Variants in ATG10 observed in about 807,000 individuals in gnomAD.
ATG10 encodes ubiquitin-like-conjugating enzyme ATG10.
A neutral mutation model predicts 32.1 loss-of-function variants in ATG10; 30 were observed. The ratio of observed to expected loss-of-function variants is 0.94; its 90% CI spans 0.70 to 1.27. The LOEUF is 1.27. ATG10 is among the 50% of genes most tolerant of loss of function. The probability of loss-of-function intolerance (pLI) is 0.00; values close to 1 mark genes in which losing one functional copy is unlikely to be tolerated. For synonymous variants in ATG10, 87 were observed against 91.5 expected (o/e 0.95, Z 0.28); for missense variants, 233 against 262.3 (o/e 0.89, Z 0.77).
intron 3 of ATG10, among the ~76,000 whole-genome samples, chr5:82,090,881 A>G (rs774792036): frequency 6.6e-6 from 1 of 152,228 alleles, no homozygotes; most frequent in Non-Finnish European, 1.5e-5. Flanking sequence ...TTAGAAAATG[A>G]TTTTAAAGCT....
At position 82,178,619 on chromosome 5, in the gene ATG10, T is replaced by A. The variant is rs139085635; in HGVS notation, c.453+32T>A. 5.3e-4 allele frequency: 725 copies of A among 1,373,482 alleles called. 4 individuals are homozygous for A. The African/African-American group carries it at 7.7e-3, about 15-fold the overall frequency. 85.1% of individuals were successfully genotyped at this position (1,373,482 alleles called of 1,614,324 possible). On this transcript the variant is annotated intron_variant, in intron 5 of 7. Coordinates refer to ENST00000282185, the MANE Select transcript of ATG10 (RefSeq NM_031482.5). ...GAGTATTGTCATTTTATTGTATGCA[T>A]GTTATTGTATTCTTTCCCGCTGCTC...
At chr5:82,045,427 A>C (rs1226013270) in intron 2 of ATG10, among the ~76,000 whole-genome samples, 1 of 152,134 alleles carries the variant, frequency 6.6e-6, no homozygotes, top group African/African-American at 2.4e-5. Flanking sequence ...CAACTCATGG[A>C]ACTGAAGGAG....
At position 82,139,967 on chromosome 5, in the gene ATG10, C is replaced by A. The variant is rs1259622500; in HGVS notation, c.217-24432C>A. ...GGGGTCAGCCCTCCGCCCGGCCAGC[C>A]GCCCCGTCAGGGAGGTGAGGGGCGC... On this transcript the variant is annotated intron_variant, in intron 3 of 7. Transcript: ENST00000282185. 9.6e-3 allele frequency among the ~76,000 whole-genome samples: 1,249 copies of A among 129,586 alleles called. 7 individuals carry two copies. The highest frequency in any genetic ancestry group is 0.034 in the African/African-American group (1,155 of 33,750). 85.0% of individuals were successfully genotyped at this position (129,586 alleles called of 152,430 possible). A position where few individuals can be genotyped will look rare whatever the true frequency, so the allele number is the denominator to read the frequency against.
At chr5:82,145,119 G>A (rs1296528100) in intron 3 of ATG10, among the ~76,000 whole-genome samples, 1 of 151,910 alleles carries the variant, frequency 6.6e-6, no homozygotes, top group African/African-American at 2.4e-5. Context: ...TATGGTTATT[G>A]TTTACATGAT....
At chr5:82,220,754 T>TTC (rs973170843) in intron 5 of ATG10, among the ~76,000 whole-genome samples, 1 of 148,508 alleles carries the variant, frequency 6.7e-6, no homozygotes, top group Non-Finnish European at 1.5e-5. Context: ...ATCTCTCTCT[T>TTC]TCTCTCTCTT....
chr5:82,179,813 C>T (rs1268760425), intron 5 of ATG10, among the ~76,000 whole-genome samples: 1 of 152,050 alleles, frequency 6.6e-6, no homozygotes, highest in Non-Finnish European at 1.5e-5. Context: ...TGACAGTTTA[C>T]CTCCCAATCA....
intron 2 of ATG10, 41 bp downstream of exon 2, chr5:81,987,719 TTTTTGTTTTG>T: frequency 6.6e-7 from 1 of 1,517,278 alleles, no homozygotes; most frequent in Non-Finnish European, 9.0e-7. Context: ...AAAAGAGGAT[TTTTTGTTTTG>T]TTTTGTTTTG....
chr5:82,195,841 A>T (rs1744832151), intron 5 of ATG10, among the ~76,000 whole-genome samples: 1 of 152,184 alleles, frequency 6.6e-6, no homozygotes, highest in Non-Finnish European at 1.5e-5. Flanking sequence ...GCTACTATGA[A>T]GATTTGTGTA....
chr5:82,007,262 T>G (rs1008728071), intron 2 of ATG10, among the ~76,000 whole-genome samples: 13 of 152,258 alleles, frequency 8.5e-5, no homozygotes, highest in African/African-American at 2.9e-4. Context: ...TGATGACTTC[T>G]TGAATTACAT....
intron 3 of ATG10, among the ~76,000 whole-genome samples, chr5:82,136,460 G>A (rs1219536423): frequency 2.0e-5 from 3 of 152,136 alleles, no homozygotes; most frequent in Non-Finnish European, 4.4e-5. Context: ...GTCTGTAAAG[G>A]ATTTTATTTC....
At chr5:81,977,740 A>G (rs918820465) in intron 1 of ATG10, among the ~76,000 whole-genome samples, 1 of 152,064 alleles carries the variant, frequency 6.6e-6, no homozygotes, top group Non-Finnish European at 1.5e-5. Context: ...TGTGTTCAGA[A>G]CTCCAAGTTT....
Position 82,009,932 on chromosome 5 carries a change from G to T in ATG10, c.108+22254G>T, listed in dbSNP as rs1212119754. 2.9e-5 allele frequency: 46 copies of T among 1,611,540 alleles called. No individual in the cohort carries two copies. In the East Asian group the frequency reaches 4.7e-4, roughly 16 times the overall value. On this transcript the variant is annotated intron_variant, in intron 2 of 7. Transcript: ENST00000282185. ...GACACATAAACCCTGGAATAATTCT[G>T]TGAAAGCAGGAACCCTTATAACCAA...
At chr5:82,032,091 A>T (rs1762756905) in intron 2 of ATG10, among the ~76,000 whole-genome samples, 1 of 152,218 alleles carries the variant, frequency 6.6e-6, no homozygotes, top group Non-Finnish European at 1.5e-5. Flanking sequence ...TTCAGATGAG[A>T]CAAGTAGGAC....
chr5:81,974,224 A>T (rs967506598), intron 1 of ATG10, among the ~76,000 whole-genome samples: 1 of 152,226 alleles, frequency 6.6e-6, no homozygotes, highest in Non-Finnish European at 1.5e-5. Context: ...AAAAAAAGCC[A>T]TGGAGATCAT....
chr5:82,249,750 A>T (rs1747170971), intron 5 of ATG10, among the ~76,000 whole-genome samples: 2 of 152,248 alleles, frequency 1.3e-5, no homozygotes, highest in Admixed American at 1.3e-4. Context: ...CCCACTTGCT[A>T]TGTGGAATGA....
chr5:82,011,283 T>C (rs923866181), intron 2 of ATG10, among the ~76,000 whole-genome samples: 2 of 152,158 alleles, frequency 1.3e-5, no homozygotes, highest in Non-Finnish European at 2.9e-5. Context: ...TCAATACATA[T>C]ACTGAATGGA....
chr5:81,990,944 A>C (rs1341505544), intron 2 of ATG10, among the ~76,000 whole-genome samples: 1 of 152,228 alleles, frequency 6.6e-6, no homozygotes. Flanking sequence ...TTATTTTTCC[A>C]ACAGTGAGGA....
chr5:82,164,320 A>C, intron 3 of ATG10, 79 bp from the exon 4 acceptor site: 1 of 1,339,826 alleles, frequency 7.5e-7, no homozygotes, highest in Non-Finnish European at 1.1e-6. Context: ...TGTGAGAAGA[A>C]AATCTCCTCT....
intron 2 of ATG10, among the ~76,000 whole-genome samples, chr5:81,993,450 G>A (rs1348989921): frequency 7.5e-6 from 1 of 133,754 alleles, no homozygotes; most frequent in African/African-American, 2.8e-5. Flanking sequence ...TTTTTTTGAG[G>A]CAGAGTCTCG....
Sources: gnomAD v4.1 joint callset for allele counts (sites outside exome capture counted in the v4.1 genomes callset) on GRCh38, gnomAD v4.1.1 for gene constraint, MANE v1.5 for transcripts, NCBI Gene and HGNC (gene_info 2026-07-23, HGNC 2026-07-21) for gene names.